The following SEMA3E variants were observed in gnomAD, a reference collection of about 807,000 sequenced individuals.
The protein encoded by SEMA3E is semaphorin 3E, also known as semaphorin-3E.
Under a neutral mutation model 93.6 loss-of-function variants are expected in SEMA3E, and 49 were observed. That is an observed-to-expected ratio of 0.52 (90% CI 0.42 to 0.66). SEMA3E has a LOEUF of 0.66. SEMA3E is among the 30% of genes least tolerant of loss of function. The pLI is 0.00. For synonymous variants in SEMA3E, 363 were observed against 330.7 expected (o/e 1.10, Z -1.06); for missense variants, 906 against 964.8 (o/e 0.94, Z 0.81).
chr7:83,546,900 A>C (rs371521585), intron 1 of SEMA3E, among the ~76,000 whole-genome samples: 1 of 152,156 alleles, frequency 6.6e-6, no homozygotes, highest in Admixed American at 6.6e-5. Context: ...ATTGATGAAG[A>C]TACCTTACTC....
intron 2 of SEMA3E, among the ~76,000 whole-genome samples, chr7:83,489,547 GTC>G (rs1158365349): frequency 6.6e-6 from 1 of 152,010 alleles, no homozygotes; most frequent in Non-Finnish European, 1.5e-5. Context: ...ATTTATATGA[GTC>G]TAAGAAAATT....
At chr7:83,647,987 AAAAC>A (rs371161067) in intron 1 of SEMA3E, among the ~76,000 whole-genome samples, 2 of 152,256 alleles carry the variant, frequency 1.3e-5, no homozygotes, top group African/African-American at 4.8e-5. Context: ...AAACAAAACA[AAAAC>A]AAAAAGAACA....
chr7:83,587,414 C>T (rs1056976406), intron 1 of SEMA3E, among the ~76,000 whole-genome samples: 27 of 152,194 alleles, frequency 1.8e-4, no homozygotes, highest in Admixed American at 1.2e-3. Context: ...ATAAGCGTCC[C>T]TCATTATTTG....
At position 83,538,930 on chromosome 7, in the gene SEMA3E, G is replaced by A. The variant is rs947041902; in HGVS notation, c.116-48656C>T. ...TCCCGTCGCTCTCTCTTATGTTGGA[G>A]ACTTAATTTCCTGGATCCCATGACT... On this transcript the variant is annotated intron_variant, in intron 1 of 16. Transcript: ENST00000643230. Among the ~76,000 whole-genome samples, 9 of 152,248 alleles carry A rather than the reference G, an allele frequency of 5.9e-5. 1 individual carries two copies. Among genetic ancestry groups the A allele is most frequent in the Admixed American group, 6.5e-5 (1 of 15,296 alleles).
At chr7:83,505,395 C>T (rs1436755287) in intron 1 of SEMA3E, among the ~76,000 whole-genome samples, 5 of 152,084 alleles carry the variant, frequency 3.3e-5, no homozygotes, top group African/African-American at 1.2e-4. Context: ...AAAAGGAGAT[C>T]ATATCCCTAA....
intron 4 of SEMA3E, among the ~76,000 whole-genome samples, chr7:83,464,271 G>A (rs1261477911): frequency 6.6e-6 from 1 of 151,666 alleles, no homozygotes; most frequent in Non-Finnish European, 1.5e-5. Context: ...ATTCAGGCCT[G>A]TCCTCGGAAT....
At chr7:83,462,904 A>G (rs540575392) in intron 4 of SEMA3E, among the ~76,000 whole-genome samples, 1,473 of 115,012 alleles carry the variant, frequency 0.013, 51 homozygotes, top group African/African-American at 0.039. Context: ...ATTCTGTTCT[A>G]GATCTCAAAC....
intron 4 of SEMA3E, among the ~76,000 whole-genome samples, chr7:83,422,182 A>G (rs373409540): frequency 6.6e-5 from 10 of 152,298 alleles, no homozygotes; most frequent in African/African-American, 7.2e-5. Context: ...TCTCAAAAAT[A>G]AACAAATTAA....
intron 2 of SEMA3E, among the ~76,000 whole-genome samples, chr7:83,481,473 C>G (rs1790145034): frequency 6.6e-6 from 1 of 151,986 alleles, no homozygotes; most frequent in South Asian, 2.1e-4. Context: ...CTTACATTAT[C>G]TGGGGATTTT....
In SEMA3E at chr7:83,497,029, A is replaced by G. The variant is rs531915696; in HGVS notation, c.116-6755T>C. Among the ~76,000 whole-genome samples the G allele has an allele frequency of 2.3e-4, 35 of 152,264 alleles. 1 individual carries two copies. In the South Asian group the frequency reaches 7.2e-3, roughly 32 times the overall value. Reference sequence around the variant, plus strand: ...AAATAAGATGAAACTGAAATGCACCAACTCAGAGTTCATCCGGAAATTTTC... The same window carrying G: ...AAATAAGATGAAACTGAAATGCACCGACTCAGAGTTCATCCGGAAATTTTC... On this transcript the variant is annotated intron_variant, in intron 1 of 16. Coordinates refer to ENST00000643230, the MANE Select transcript of SEMA3E (RefSeq NM_012431.3).
chr7:83,579,573 T>C (rs1326904859), intron 1 of SEMA3E, among the ~76,000 whole-genome samples: 1 of 152,072 alleles, frequency 6.6e-6, no homozygotes, highest in East Asian at 1.9e-4. Context: ...CAACCATTGG[T>C]ACATGGTAAA....
At chr7:83,607,661 C>T (rs1286527292) in intron 1 of SEMA3E, among the ~76,000 whole-genome samples, 2 of 151,968 alleles carry the variant, frequency 1.3e-5, no homozygotes, top group African/African-American at 4.8e-5. Context: ...ATAGGAGCTT[C>T]CCCAAAGAAG....
At chr7:83,633,313 C>A (rs1373104817) in intron 1 of SEMA3E, among the ~76,000 whole-genome samples, 1 of 152,092 alleles carries the variant, frequency 6.6e-6, no homozygotes, top group Non-Finnish European at 1.5e-5. Context: ...TTCATTTAAT[C>A]CTTACTATAA....
chr7:83,593,252 C>CTCTG (rs1326724931), intron 1 of SEMA3E, among the ~76,000 whole-genome samples: 3 of 120,674 alleles, frequency 2.5e-5, no homozygotes, highest in African/African-American at 8.4e-5. Context: ...CTCTTTCTCT[C>CTCTG]TCTCTCTGTC....
chr7:83,549,538 C>T (rs1179980063), intron 1 of SEMA3E, among the ~76,000 whole-genome samples: 1 of 151,936 alleles, frequency 6.6e-6, no homozygotes, highest in Non-Finnish European at 1.5e-5. Context: ...TGAATGGAAC[C>T]TGTGCTCATA....
intron 1 of SEMA3E, among the ~76,000 whole-genome samples, chr7:83,520,753 A>T (rs539835134): frequency 3.9e-5 from 6 of 152,350 alleles, no homozygotes; most frequent in African/African-American, 1.4e-4. Context: ...TCCTAAAGAC[A>T]CAGCTATTCA....
At chr7:83,619,518 C>T (rs1170086472) in intron 1 of SEMA3E, among the ~76,000 whole-genome samples, 1 of 151,742 alleles carries the variant, frequency 6.6e-6, no homozygotes, top group Non-Finnish European at 1.5e-5. Context: ...TTAAATGGTC[C>T]ATCAATTCTA....
rs369724967 is a variant in SEMA3E at position 83,466,619 on chromosome 7, G to A, written c.337-18C>T. The A allele has an allele frequency of 6.2e-7, 1 of 1,611,702 alleles. No homozygotes were observed. Among genetic ancestry groups the A allele is most frequent in the Non-Finnish European group, 8.5e-7 (1 of 1,179,878 alleles). On this transcript the variant is annotated intron_variant, in intron 3 of 16. Transcript: ENST00000643230. ...CATTCACCCTAAAGCAGGAAAAAAA[G>A]GGAAGGAATCTATCAGTATAATAAA...
At position 83,526,288 on chromosome 7, in the gene SEMA3E, C is replaced by G. The variant is rs143420375; in HGVS notation, c.116-36014G>C. Among the ~76,000 whole-genome samples, 6 of 152,222 alleles carry G rather than the reference C, an allele frequency of 3.9e-5. No homozygotes were observed. The East Asian group carries it at 1.2e-3, about 29-fold the overall frequency. On this transcript the variant is annotated intron_variant, in intron 1 of 16. Coordinates refer to ENST00000643230, the MANE Select transcript of SEMA3E (RefSeq NM_012431.3). ...TTTTAAACACATAGCAGCACAGCAT[C>G]TGTCTTGATATTTAATATTTATTGT... is the stretch of plus-strand genomic sequence containing the variant.
Sources: allele counts gnomAD v4.1 joint callset (sites outside exome capture counted in the v4.1 genomes callset), GRCh38; gene constraint gnomAD v4.1.1; transcripts MANE v1.5; gene names NCBI Gene and HGNC (gene_info 2026-07-23, HGNC 2026-07-21).